The following SLC39A11 variants were observed in gnomAD, a reference collection of about 807,000 sequenced individuals.
The protein encoded by SLC39A11 is solute carrier family 39 member 11, also known as zinc transporter ZIP11.
Under a neutral mutation model 36.1 loss-of-function variants are expected in SLC39A11, and 33 were observed. The ratio of observed to expected loss-of-function variants is 0.91; its 90% confidence interval spans 0.69 to 1.22. SLC39A11 has a LOEUF of 1.22. Ranked by LOEUF, SLC39A11 falls within the 50% of genes most tolerant of loss-of-function variation. The pLI is 0.00. For missense variants in SLC39A11, 432 were observed against 430.3 expected, an observed-to-expected ratio of 1.00 and a Z score of -0.03; for synonymous variants, 166 against 170.3, an observed-to-expected ratio of 0.97 and a Z score of 0.20.
At chr17:72,863,540 C>A (rs1279436599) in intron 5 of SLC39A11, among the ~76,000 whole-genome samples, 1 of 152,194 alleles carries the variant, frequency 6.6e-6, no homozygotes, top group African/African-American at 2.4e-5. Flanking sequence ...CCAGACACAG[C>A]CGCCTGTCAC....
intron 5 of SLC39A11, among the ~76,000 whole-genome samples, chr17:72,862,238 T>C (rs1053461043): frequency 1.3e-5 from 2 of 152,198 alleles, no homozygotes; most frequent in African/African-American, 2.4e-5. Context: ...TTGAAGCCTC[T>C]GCTTTCTGAG....
intron 3 of SLC39A11, among the ~76,000 whole-genome samples, chr17:73,060,277 T>C (rs1599084061): frequency 6.9e-6 from 1 of 143,976 alleles, no homozygotes; most frequent in Non-Finnish European, 1.5e-5. Flanking sequence ...AAAAAAAAGT[T>C]GGGGGGTTTC....
At chr17:72,676,854 C>T (rs140549899) in intron 7 of SLC39A11, among the ~76,000 whole-genome samples, 89 of 152,250 alleles carry the variant, frequency 5.8e-4, no homozygotes, top group Middle Eastern at 3.4e-3. Context: ...CTTCTCTGGT[C>T]GACAGTATTG....
chr17:72,770,142 A>G (rs1423232366), intron 6 of SLC39A11, among the ~76,000 whole-genome samples: 1 of 152,220 alleles, frequency 6.6e-6, no homozygotes, highest in African/African-American at 2.4e-5. Flanking sequence ...AACTTTCTAA[A>G]TTAACTGAGA....
chr17:73,060,336 A>G lies in SLC39A11; in HGVS notation c.147+24472T>C, dbSNP rs76569192. ...AGGAAATGAAGACTGCGTTCTACCA[A>G]AATAACTTTTTGTCCTTCACGTTGT... is the stretch of plus-strand genomic sequence containing the variant. On this transcript the variant is annotated intron_variant, in intron 3 of 9. Coordinates refer to ENST00000255559, the MANE Select transcript of SLC39A11 (RefSeq NM_139177.4). Among the ~76,000 whole-genome samples the G allele has an allele frequency of 2.8e-4, 43 of 152,074 alleles. 1 individual carries two copies. The East Asian group carries it at 8.3e-3, about 29-fold the overall frequency.
rs2085006479 is a variant in SLC39A11, at chr17:72,940,107, T to C, written c.430+7645A>G. 2.0e-5 allele frequency among the ~76,000 whole-genome samples: 3 copies of C among 152,188 alleles called. No homozygotes were observed. The South Asian group carries it at 6.2e-4, about 32-fold the overall frequency. On this transcript the variant is annotated intron_variant, in intron 5 of 9. Transcript: ENST00000255559. ...ACTTACACAGTCAGGAGAGAACTTC[T>C]ACACATTCAGATGTGTATTGCAATT... is the stretch of plus-strand genomic sequence containing the variant.
At chr17:72,948,551 C>T (rs1361124287) in intron 4 of SLC39A11, among the ~76,000 whole-genome samples, 1 of 152,196 alleles carries the variant, frequency 6.6e-6, no homozygotes, top group African/African-American at 2.4e-5. Context: ...CTTCACGTGT[C>T]TTATGAGATC....
intron 4 of SLC39A11, among the ~76,000 whole-genome samples, chr17:73,006,615 A>C (rs2090191287): frequency 6.6e-6 from 1 of 151,960 alleles, no homozygotes; most frequent in African/African-American, 2.4e-5. Flanking sequence ...ATAAGTACCC[A>C]AAGCCTTGGG....
At chr17:72,810,715 T>G (rs2077408259) in intron 6 of SLC39A11, among the ~76,000 whole-genome samples, 1 of 152,018 alleles carries the variant, frequency 6.6e-6, no homozygotes, top group African/African-American at 2.4e-5. Flanking sequence ...AGACAAAGTC[T>G]CACTCTGTTG....
chr17:73,009,760 T>C (rs2090407125), intron 4 of SLC39A11, among the ~76,000 whole-genome samples: 1 of 152,194 alleles, frequency 6.6e-6, no homozygotes, highest in Non-Finnish European at 1.5e-5. Flanking sequence ...TATTATACTT[T>C]AAGTTCTAGG....
intron 3 of SLC39A11, among the ~76,000 whole-genome samples, chr17:73,072,942 G>C (rs2060207911): frequency 6.6e-6 from 1 of 152,224 alleles, no homozygotes; most frequent in South Asian, 2.1e-4. Context: ...CACTTTGGGA[G>C]GCCAAGGTGG....
At chr17:72,709,962 G>C (rs2073049176) in intron 7 of SLC39A11, among the ~76,000 whole-genome samples, 1 of 152,102 alleles carries the variant, frequency 6.6e-6, no homozygotes, top group South Asian at 2.1e-4. Flanking sequence ...AGGTTCCAGA[G>C]GTTTTATTTT....
intron 3 of SLC39A11, among the ~76,000 whole-genome samples, chr17:73,066,313 G>A (rs2059995134): frequency 6.6e-6 from 1 of 152,166 alleles, no homozygotes; most frequent in Admixed American, 6.5e-5. Context: ...GCGGCCTCAT[G>A]AGTGACCCCA....
chr17:72,834,633 C>CAATAAAATAA (rs139007121), intron 6 of SLC39A11, among the ~76,000 whole-genome samples: 7,427 of 148,256 alleles, frequency 0.05, 238 homozygotes, highest in Non-Finnish European at 0.069. Context: ...ATAAACAAAA[C>CAATAAAATAA]AATAAAATAA....
chr17:72,758,829 T>C (rs1232229266), intron 6 of SLC39A11, among the ~76,000 whole-genome samples: 2 of 152,170 alleles, frequency 1.3e-5, no homozygotes, highest in African/African-American at 4.8e-5. Flanking sequence ...TGTTCCTAAC[T>C]TGTATACGCC....
intron 7 of SLC39A11, among the ~76,000 whole-genome samples, chr17:72,694,902 G>A (rs2072217089): frequency 6.6e-6 from 1 of 152,208 alleles, no homozygotes; most frequent in Admixed American, 6.5e-5. Flanking sequence ...CCCCGGGAGA[G>A]TCTCTGTCTC....
chr17:73,080,564 C>T (rs1012927266), intron 3 of SLC39A11, among the ~76,000 whole-genome samples: 5 of 152,198 alleles, frequency 3.3e-5, no homozygotes, highest in African/African-American at 4.8e-5. Context: ...CCCTTCTAGA[C>T]ATTGACTTAG....
At chr17:72,713,490 T>C (rs567295148) in intron 7 of SLC39A11, among the ~76,000 whole-genome samples, 1 of 152,324 alleles carries the variant, frequency 6.6e-6, no homozygotes, top group African/African-American at 2.4e-5. Context: ...GATTAGTGAC[T>C]GCCAGGTCAA....
At position 72,822,261 on chromosome 17, in the gene SLC39A11, G is replaced by T. The variant is rs745363809; in HGVS notation, c.601+27373C>A. On this transcript the variant is annotated intron_variant, in intron 6 of 9. Coordinates refer to ENST00000255559, the MANE Select transcript of SLC39A11 (RefSeq NM_139177.4). The stretch of plus-strand genomic sequence containing the variant: ...TACACACATACTATATATATATAGA[G>T]AGAGAGAATATATATAGAGAGAGAT... Among the ~76,000 whole-genome samples, 116 of 147,414 alleles carry T rather than the reference G, an allele frequency of 7.9e-4. 8 individuals are homozygous for T. The highest frequency in any genetic ancestry group is 4.8e-4 in the Non-Finnish European group (32 of 66,682).
Sources: allele counts gnomAD v4.1 joint callset (sites outside exome capture counted in the v4.1 genomes callset), GRCh38; gene constraint gnomAD v4.1.1; transcripts MANE v1.5; gene names NCBI Gene and HGNC (gene_info 2026-07-23, HGNC 2026-07-21).